The following CD99L2 variants were observed in gnomAD, a reference collection of about 807,000 sequenced individuals.
CD99L2 encodes the protein CD99 antigen-like protein 2.
CD99L2 carries 24 observed loss-of-function variants against 27.3 expected under a neutral mutation model. The ratio of observed to expected loss-of-function variants is 0.88; its 90% CI spans 0.64 to 1.24. CD99L2 has a LOEUF of 1.24. CD99L2 is among the 50% of genes most tolerant of loss of function. The pLI is 0.00. For missense variants in CD99L2, 255 were observed against 221.6 expected, an observed-to-expected ratio of 1.15 and a Z score of -0.96; for synonymous variants, 97 against 87.9, an observed-to-expected ratio of 1.10 and a Z score of -0.58.
chrX:150,836,587 G>A (rs1453662094), intron 1 of CD99L2, among the ~76,000 whole-genome samples: 3 of 111,210 alleles, frequency 2.7e-5, no homozygotes, highest in African/African-American at 9.8e-5. Flanking sequence ...TCAGCCTCCC[G>A]AAGTGCTGGG....
At chrX:150,793,895 C>G (rs1054979457) in intron 6 of CD99L2, 139 bp from the exon 7 acceptor site, 1 of 430,054 alleles carries the variant, frequency 2.3e-6, no homozygotes, top group Non-Finnish European at 3.8e-6. Flanking sequence ...TAAGAGGTCC[C>G]CCCAGACCCC....
At chrX:150,837,108 C>T (rs115972329) in intron 1 of CD99L2, among the ~76,000 whole-genome samples, 2,790 of 111,917 alleles carry the variant, frequency 0.025, 101 homozygotes, top group African/African-American at 0.087. Context: ...ATGAGCACAT[C>T]TAGCACCCAG....
chrX:150,816,465 T>C (rs1311499336), intron 2 of CD99L2: 1 of 181,634 alleles, frequency 5.5e-6, no homozygotes, highest in East Asian at 1.4e-4. Context: ...ACTTTAAACA[T>C]AGATAATCCT....
At chrX:150,898,460 G>A in intron 1 of CD99L2, 62 bp downstream of exon 1, 1 of 957,646 alleles carries the variant, frequency 1.0e-6, no homozygotes. Context: ...TGCGCAGAGC[G>A]ACCCCTGGGC....
intron 4 of CD99L2, among the ~76,000 whole-genome samples, chrX:150,796,554 G>C (rs1043270850): frequency 6.2e-5 from 7 of 112,177 alleles, no homozygotes; most frequent in African/African-American, 2.3e-4. Flanking sequence ...ATTTATAGTT[G>C]GGGACTTCAA....
rs1397403726 is a variant in CD99L2, at chrX:150,767,227, A to G, written c.*1807T>C. Reference sequence around the variant, plus strand: ...GGGAGGGACAAGCCTGACAAAGTTCACAATCTGGCCAATGAGTGTGGGAGG... The same window carrying G: ...GGGAGGGACAAGCCTGACAAAGTTCGCAATCTGGCCAATGAGTGTGGGAGG... On this transcript the variant is annotated 3_prime_UTR_variant, in exon 11 of 11. Transcript: ENST00000370377. 1 of 111,968 alleles carries G rather than the reference A, an allele frequency of 8.9e-6. No homozygotes were observed. Among genetic ancestry groups the G allele is most frequent in the Non-Finnish European group, 1.9e-5 (1 of 53,216 alleles). 9.2% of individuals were successfully genotyped at this position (111,968 alleles called of 1,213,427 possible). A position where few individuals can be genotyped will look rare whatever the true frequency, so the allele number is the denominator to read the frequency against.
intron 1 of CD99L2, among the ~76,000 whole-genome samples, chrX:150,860,923 C>T (rs782163013): frequency 1.3e-3 from 139 of 109,272 alleles, no homozygotes; most frequent in Non-Finnish European, 2.2e-3. Flanking sequence ...GGGTGGATCA[C>T]GAGGTCAGGA....
At chrX:150,770,492 C>A (rs2043426273) in intron 9 of CD99L2, 123 bp from the exon 10 acceptor site, 11 of 556,986 alleles carry the variant, frequency 2.0e-5, no homozygotes, top group Middle Eastern at 1.0e-3. Context: ...CTGGGGAACT[C>A]AAAACCCTGC....
At chrX:150,875,558 C>G (rs1385623230) in intron 1 of CD99L2, among the ~76,000 whole-genome samples, 4 of 111,838 alleles carry the variant, frequency 3.6e-5, no homozygotes, top group Non-Finnish European at 7.5e-5. Context: ...CTGAAAACCA[C>G]TACTCTGTTC....
At chrX:150,773,370 G>A (rs781791908) in intron 9 of CD99L2, among the ~76,000 whole-genome samples, 1 of 113,176 alleles carries the variant, frequency 8.8e-6, no homozygotes, top group African/African-American at 3.2e-5. Flanking sequence ...GCTGGCAAGC[G>A]CACGATGCCC....
At chrX:150,840,779 G>A (rs1557421338) in intron 1 of CD99L2, among the ~76,000 whole-genome samples, 1 of 111,504 alleles carries the variant, frequency 9.0e-6, no homozygotes, top group Non-Finnish European at 1.9e-5. Context: ...TGAGGATTTA[G>A]TGGTAATAAG....
chrX:150,770,741 G>A (rs901019027), intron 9 of CD99L2, among the ~76,000 whole-genome samples: 18 of 112,935 alleles, frequency 1.6e-4, no homozygotes, highest in African/African-American at 5.5e-4. Flanking sequence ...CGGCCCGGGG[G>A]CCAGGGAGCC....
At chrX:150,817,501 T>C (rs1351339316) in intron 2 of CD99L2, among the ~76,000 whole-genome samples, 5 of 112,148 alleles carry the variant, frequency 4.5e-5, no homozygotes, top group African/African-American at 1.6e-4. Context: ...ACAAGAATTA[T>C]ACAATGTGCA....
In CD99L2 at chrX:150,877,959, T is replaced by TACACACACAC. The variant is rs72172934; in HGVS notation, c.67+20553_67+20562dup. On this transcript the variant is annotated intron_variant, in intron 1 of 10. Transcript: ENST00000370377. ...AGAGTAAGACCTTATCTCAAACACA[T>TACACACACAC]ACACACACACACACACACACACACA... Among the ~76,000 whole-genome samples, 362 of 83,062 alleles carry TACACACACAC rather than the reference T, an allele frequency of 4.4e-3. 5 individuals carry two copies. Among genetic ancestry groups the TACACACACAC allele is most frequent in the African/African-American group, 0.015 (313 of 21,272 alleles). 72.1% of individuals were successfully genotyped at this position (83,062 alleles called of 115,157 possible).
chrX:150,776,330 G>T, intron 8 of CD99L2, 37 bp from the exon 9 acceptor site: 3 of 1,165,797 alleles, frequency 2.6e-6, no homozygotes, highest in Non-Finnish European at 3.4e-6. Flanking sequence ...GACAGGTGAG[G>T]TCAGAGACAA....
intron 1 of CD99L2, among the ~76,000 whole-genome samples, chrX:150,876,290 C>T (rs782045367): frequency 4.5e-5 from 5 of 112,028 alleles, no homozygotes; most frequent in South Asian, 3.7e-4. Flanking sequence ...AATATTGTCA[C>T]GAAGAAGGGT....
chrX:150,794,605 G>C (rs782620846), intron 6 of CD99L2, among the ~76,000 whole-genome samples: 2 of 112,439 alleles, frequency 1.8e-5, no homozygotes, highest in East Asian at 5.6e-4. Flanking sequence ...TCCACACTAC[G>C]CTTAACCTGT....
At chrX:150,793,338 C>T (rs1397714784) in intron 7 of CD99L2, among the ~76,000 whole-genome samples, 1 of 112,562 alleles carries the variant, frequency 8.9e-6, no homozygotes, top group Non-Finnish European at 1.9e-5. Context: ...CCTCCCATCC[C>T]AAGAGTGAGT....
At chrX:150,794,761 C>G (rs1603292397) in intron 6 of CD99L2, among the ~76,000 whole-genome samples, 1 of 111,525 alleles carries the variant, frequency 9.0e-6, no homozygotes, top group South Asian at 3.9e-4. Flanking sequence ...ATACTTCAAC[C>G]AAAACAACAT....
Sources: allele counts gnomAD v4.1 joint callset (sites outside exome capture counted in the v4.1 genomes callset), GRCh38; gene constraint gnomAD v4.1.1; transcripts MANE v1.5; gene names NCBI Gene and HGNC (gene_info 2026-07-23, HGNC 2026-07-21).